The following VPS37D variants were observed in gnomAD, a reference collection of about 807,000 sequenced individuals.
VPS37D encodes the protein vacuolar protein sorting-associated protein 37D.
VPS37D carries 5 observed loss-of-function variants against 22.0 expected under a neutral mutation model. The observed-to-expected ratio is 0.23, with a 90% confidence interval of 0.12 to 0.48. The LOEUF (loss-of-function observed/expected upper bound fraction) is 0.48. Ranked by LOEUF, VPS37D falls within the 20% of genes least tolerant of loss-of-function variation. The pLI is 0.99. For missense variants in VPS37D, 384 were observed against 345.8 expected (o/e 1.11, Z -0.88); for synonymous variants, 174 against 159.3 (o/e 1.09, Z -0.69).
In VPS37D at chr7:73,671,927, G is replaced by A. The variant is rs1797528170; in HGVS notation, c.*551G>A. 6.6e-6 allele frequency: 1 copy of A among 152,384 alleles called. No individual in the cohort carries two copies. The highest frequency in any genetic ancestry group is 2.4e-5 in the African/African-American group (1 of 41,474). 9.4% of individuals were successfully genotyped at this position (152,384 alleles called of 1,614,324 possible). On this transcript the variant is annotated 3_prime_UTR_variant, in exon 4 of 4. Coordinates refer to ENST00000324941, the MANE Select transcript of VPS37D (RefSeq NM_001077621.2). ...ACACATGCTCCAGACCCTGGGGCAAGGTAGGCCAGGGGCTTCTGACCTGTG... is the reference window on the plus strand; with the variant it reads ...ACACATGCTCCAGACCCTGGGGCAAAGTAGGCCAGGGGCTTCTGACCTGTG...
Position 73,668,009 on chromosome 7 carries a change from G to T in VPS37D, c.51G>T (p.Gly17=), listed in dbSNP as rs782768529. ...CGGGGCCGGAGCCCGGCAGCCCGGGGCGCTTTGGGATCCTCAGCACCGGGC... is the reference window on the plus strand; with the variant it reads ...CGGGGCCGGAGCCCGGCAGCCCGGGTCGCTTTGGGATCCTCAGCACCGGGC... The part of the protein sequence containing the change: ...ARAGPEPGSP[G]RFGILSTGQL... Residue 17 remains glycine, a synonymous_variant, in exon 1 of 4, where the codon GGG becomes GGT. Coordinates refer to ENST00000324941, the MANE Select transcript of VPS37D (RefSeq NM_001077621.2). 12 of 1,129,640 alleles carry T rather than the reference G, an allele frequency of 1.1e-5. No homozygotes were observed. Among genetic ancestry groups the T allele is most frequent in the South Asian group, 7.1e-5 (2 of 28,146 alleles). The allele number at this position is 1,129,640 out of a possible 1,614,324, so 70.0% of individuals were successfully genotyped here.
Position 73,669,414 on chromosome 7 carries a change from C to A in VPS37D, c.139-5C>A. ...GCGGGCCTCTTAGCTCCTCTCTGCC[C>A]GCAGTTCCAGGGCCTGCAGCTGGAG... On this transcript the variant is annotated splice_polypyrimidine_tract_variant and splice_region_variant and intron_variant, in intron 1 of 3. Transcript: ENST00000324941. 6.5e-7 allele frequency: 1 copy of A among 1,544,486 alleles called. No individual in the cohort carries two copies. The highest frequency in any genetic ancestry group is 8.8e-7 in the Non-Finnish European group (1 of 1,142,258).
intron 3 of VPS37D, 124 bp downstream of exon 3, chr7:73,670,226 G>A: frequency 6.9e-7 from 1 of 1,449,156 alleles, no homozygotes; most frequent in Non-Finnish European, 9.3e-7. Flanking sequence ...TGAATGCCTG[G>A]CGCATGCCAG....
At chr7:73,670,934 C>T (rs1347296589) in intron 3 of VPS37D, 80 bp from the exon 4 acceptor site, 22 of 1,540,118 alleles carry the variant, frequency 1.4e-5, no homozygotes, top group East Asian at 2.3e-5. Flanking sequence ...TGGGGAGGGC[C>T]TCAGGGTGGG....
chr7:73,669,282 T>A, intron 1 of VPS37D, 137 bp from the exon 2 acceptor site: 1 of 1,152,802 alleles, frequency 8.7e-7, no homozygotes, highest in Non-Finnish European at 1.2e-6. Flanking sequence ...ACCTGTTGGG[T>A]TCACCACCCT....
rs1412098384 is a variant in VPS37D, at chr7:73,667,905, G to A, written c.-54G>A. 1.9e-4 allele frequency: 121 copies of A among 642,264 alleles called. No individual in the cohort carries two copies. Among genetic ancestry groups the A allele is most frequent in the Non-Finnish European group, 2.2e-4 (115 of 511,950 alleles). 39.8% of individuals were successfully genotyped at this position (642,264 alleles called of 1,614,324 possible). On this transcript the variant is annotated 5_prime_UTR_variant, in exon 1 of 4. Coordinates refer to ENST00000324941, the MANE Select transcript of VPS37D (RefSeq NM_001077621.2). ...AGCGGAGCGGAGCGGAGCCGGGGCGGAGCGGGCCGAGCGGGCCGAGCCAGC... is the reference window on the plus strand; with the variant it reads ...AGCGGAGCGGAGCGGAGCCGGGGCGAAGCGGGCCGAGCGGGCCGAGCCAGC...
chr7:73,667,102 A>G (rs970206195), upstream of VPS37D, among the ~76,000 whole-genome samples: 24 of 151,264 alleles, frequency 1.6e-4, no homozygotes, highest in Admixed American at 1.3e-3. Flanking sequence ...CCTCGCGAGT[A>G]GCTGGGACTA....
intron 3 of VPS37D, 93 bp from the exon 4 acceptor site, chr7:73,670,921 C>G (rs1797493547): frequency 6.6e-7 from 1 of 1,517,390 alleles, no homozygotes; most frequent in East Asian, 2.3e-5. Context: ...GGGGTGATCA[C>G]CATGGGGAGG....
rs1445418976 is a variant in VPS37D at position 73,671,276 on chromosome 7, C to G, written c.656C>G (p.Ser219Cys). ...AVPRSLPPLD[S>C]RPVPPLKGSP... ...CCCCGGAGCCTGCCCCCCTTGGACTCCCGCCCAGTGCCCCCACTGAAGGGC... is the reference window on the plus strand; with the variant it reads ...CCCCGGAGCCTGCCCCCCTTGGACTGCCGCCCAGTGCCCCCACTGAAGGGC... The change falls in exon 4 of 4, where the codon TCC becomes TGC. Residue 219 changes from serine (S) to cysteine (C), a missense_variant. Transcript: ENST00000324941. The G allele has an allele frequency of 1.1e-5, 16 of 1,460,950 alleles. No individual in the cohort carries two copies. The highest frequency in any genetic ancestry group is 1.4e-5 in the African/African-American group (1 of 69,110). The allele number at this position is 1,460,950 out of a possible 1,614,324, so 90.5% of individuals were successfully genotyped here. A position where few individuals can be genotyped will look rare whatever the true frequency, so the allele number is the denominator to read the frequency against.
In VPS37D at chr7:73,669,701, C is replaced by A; in HGVS notation, c.310+111C>A. 2 of 1,255,272 alleles carry A rather than the reference C, an allele frequency of 1.6e-6. 1 individual carries two copies. Among genetic ancestry groups the A allele is most frequent in the Non-Finnish European group, 2.1e-6 (2 of 941,790 alleles). The allele number at this position is 1,255,272 out of a possible 1,614,324, so 77.8% of individuals were successfully genotyped here. On this transcript the variant is annotated intron_variant, in intron 2 of 3. Coordinates refer to ENST00000324941, the MANE Select transcript of VPS37D (RefSeq NM_001077621.2). ...GATGGATGGGAGTTGGGCGGACCTG[C>A]TCCTGGCTTGCTGGGCAGTAGAGTT...
At position 73,671,447 on chromosome 7, in the gene VPS37D, T is replaced by A. The variant is rs1584196140; in HGVS notation, c.*71T>A. The A allele has an allele frequency of 1.4e-6, 1 of 711,522 alleles. No homozygotes were observed. Among genetic ancestry groups the A allele is most frequent in the Non-Finnish European group, 2.0e-6 (1 of 504,676 alleles). The allele number at this position is 711,522 out of a possible 1,614,324, so 44.1% of individuals were successfully genotyped here. A position where few individuals can be genotyped will look rare whatever the true frequency, so the allele number is the denominator to read the frequency against. ...TGCGTGGCTCCTCCTCCTCCCCCAC[T>A]GCCTGGGTGGGGGGAGGGGCAGGCC... is the stretch of plus-strand genomic sequence containing the variant. On this transcript the variant is annotated 3_prime_UTR_variant, in exon 4 of 4. Coordinates refer to ENST00000324941, the MANE Select transcript of VPS37D (RefSeq NM_001077621.2).
upstream of VPS37D, among the ~76,000 whole-genome samples, chr7:73,666,784 A>G (rs1044634644): frequency 6.6e-5 from 10 of 151,988 alleles, no homozygotes; most frequent in Admixed American, 2.0e-4. Context: ...CCATATCACT[A>G]TCCCTCAGCA....
At position 73,668,176 on chromosome 7, in the gene VPS37D, CGGGCCGGGCCGCGG is replaced by C. The variant is rs879998584; in HGVS notation, c.138+83_138+96del. The C allele has an allele frequency of 5.1e-3, 4,633 of 911,750 alleles. 16 individuals carry two copies. The highest frequency in any genetic ancestry group is 0.022 in the Middle Eastern group (44 of 2,038). The allele number at this position is 911,750 out of a possible 1,614,324, so 56.5% of individuals were successfully genotyped here. A position where few individuals can be genotyped will look rare whatever the true frequency, so the allele number is the denominator to read the frequency against. ...CCTGCCGCTCGAGGGAAGGGCCGCG[CGGGCCGGGCCGCGG>C]GGCCGCCCGTGGGCGCGGAGCCTGG... On this transcript the variant is annotated intron_variant, in intron 1 of 3. Transcript: ENST00000324941.
intron 1 of VPS37D, among the ~76,000 whole-genome samples, chr7:73,668,878 T>G (rs1170312829): frequency 2.2e-4 from 29 of 132,254 alleles, no homozygotes; most frequent in South Asian, 7.2e-4. Context: ...GAGGAAGGGG[T>G]GGGAAGGGAA....
At position 73,671,360 on chromosome 7, in the gene VPS37D, A is replaced by T; in HGVS notation, c.740A>T (p.Glu247Val). 3.6e-6 allele frequency: 5 copies of T among 1,374,564 alleles called. No homozygotes were observed. Among genetic ancestry groups the T allele is most frequent in the Non-Finnish European group, 4.7e-6 (5 of 1,066,676 alleles). The allele number at this position is 1,374,564 out of a possible 1,614,324, so 85.1% of individuals were successfully genotyped here. Residue 247 changes from glutamate to valine, a missense_variant, in exon 4 of 4, where the codon GAG (glutamate) becomes GTG (valine). Transcript: ENST00000324941. ...CTGAGCCCTCGGCCCTCGCAGCCAG[A>T]GCCCCCCCACCGGTAGGATCCACGG... ...PLLSPRPSQP[E>V]PPHR is the part of the protein sequence containing the mutation.
intron 3 of VPS37D, among the ~76,000 whole-genome samples, chr7:73,670,546 G>A (rs1304910767): frequency 6.6e-5 from 10 of 152,316 alleles, no homozygotes; most frequent in African/African-American, 9.6e-5. Context: ...AGTGGCTCAC[G>A]CCTGTAATCC....
chr7:73,669,615 C>A, intron 2 of VPS37D, 25 bp downstream of exon 2: 4 of 1,568,518 alleles, frequency 2.6e-6, no homozygotes, highest in Non-Finnish European at 3.5e-6. Flanking sequence ...GGGAGAACCC[C>A]CTGGGGCTGG....
chr7:73,668,923 G>A (rs1294061920), intron 1 of VPS37D, among the ~76,000 whole-genome samples: 2 of 151,906 alleles, frequency 1.3e-5, no homozygotes, highest in Non-Finnish European at 2.9e-5. Context: ...GTGAGGGGAC[G>A]GGGTGCAGAC....
At position 73,668,029 on chromosome 7, in the gene VPS37D, C is replaced by A; in HGVS notation, c.71C>A (p.Thr24Asn). 8.6e-7 allele frequency: 1 copy of A among 1,158,846 alleles called. No homozygotes were observed. Among genetic ancestry groups the A allele is most frequent in the Non-Finnish European group, 1.1e-6 (1 of 930,722 alleles). The allele number at this position is 1,158,846 out of a possible 1,614,324, so 71.8% of individuals were successfully genotyped here. ...GSPGRFGILS[T>N]GQLRDLLQDE... The stretch of plus-strand genomic sequence containing the variant: ...CCGGGGCGCTTTGGGATCCTCAGCA[C>A]CGGGCAGCTCCGGGACCTGCTTCAG... Residue 24 changes from threonine to asparagine, a missense_variant, in exon 1 of 4, where the codon ACC becomes AAC. Coordinates refer to ENST00000324941, the MANE Select transcript of VPS37D (RefSeq NM_001077621.2).
Sources: gnomAD v4.1 joint callset for allele counts (sites outside exome capture counted in the v4.1 genomes callset) on GRCh38, gnomAD v4.1.1 for gene constraint, MANE v1.5 for transcripts, NCBI Gene and HGNC (gene_info 2026-07-23, HGNC 2026-07-21) for gene names.